The following EPC2 variants were observed in gnomAD, a reference collection of about 807,000 sequenced individuals.
EPC2 encodes the protein enhancer of polycomb homolog 2.
Under a neutral mutation model 92.1 loss-of-function variants are expected in EPC2, and 14 were observed. That is an observed-to-expected ratio of 0.15 (90% CI 0.10 to 0.24). The LOEUF is 0.24. Among genes scored for constraint, EPC2 ranks in the 10% least tolerant of loss-of-function variants. The pLI is 1.00. For missense variants in EPC2, 755 were observed against 971.5 expected (o/e 0.78, Z 2.96); for synonymous variants, 340 against 334.7 (o/e 1.02, Z -0.17).
At chr2:148,656,001 C>CTGTG (rs1553537658) in intron 1 of EPC2, among the ~76,000 whole-genome samples, 1 of 59,904 alleles carries the variant, frequency 1.7e-5, no homozygotes, top group African/African-American at 6.4e-5. Context: ...CTGCTGTTAG[C>CTGTG]TGTGTGTGTG....
chr2:148,741,077 A>T (rs1682872403), intron 2 of EPC2, among the ~76,000 whole-genome samples: 1 of 152,176 alleles, frequency 6.6e-6, no homozygotes, highest in Non-Finnish European at 1.5e-5. Flanking sequence ...TAAGAGAAAA[A>T]TGCATTTTAT....
intron 2 of EPC2, among the ~76,000 whole-genome samples, chr2:148,694,004 C>T (rs757917111): frequency 2.0e-5 from 3 of 151,976 alleles, no homozygotes; most frequent in Non-Finnish European, 4.4e-5. Flanking sequence ...AATTTCACTG[C>T]CTAGTACAGT....
At chr2:148,717,242 C>G (rs967789122) in intron 2 of EPC2, among the ~76,000 whole-genome samples, 1 of 118,622 alleles carries the variant, frequency 8.4e-6, no homozygotes, top group African/African-American at 3.3e-5. Flanking sequence ...CTGTCTACTT[C>G]GATTCAGCTC....
At chr2:148,650,383 TCCTCTTTTCCTCTTGAGTCAGAGG>T (rs1445613173) in intron 1 of EPC2, among the ~76,000 whole-genome samples, 3 of 152,182 alleles carry the variant, frequency 2.0e-5, no homozygotes, top group African/African-American at 7.2e-5. Flanking sequence ...AAATATTATA[TCCTCTTTTCCTCTTGAGTCAGAGG>T]CCTCTTTAAA....
chr2:148,731,706 A>G (rs977925217), intron 2 of EPC2, among the ~76,000 whole-genome samples: 2 of 152,116 alleles, frequency 1.3e-5, no homozygotes, highest in Admixed American at 1.3e-4. Context: ...CCGGCCAGAA[A>G]TTTACAGATG....
At chr2:148,655,523 G>A (rs1215330895) in intron 1 of EPC2, among the ~76,000 whole-genome samples, 1 of 152,150 alleles carries the variant, frequency 6.6e-6, no homozygotes, top group Non-Finnish European at 1.5e-5. Flanking sequence ...ACGGTATTTT[G>A]ACATAATTTG....
At chr2:148,785,038 T>C in intron 13 of EPC2, 37 bp downstream of exon 13, 1 of 1,455,322 alleles carries the variant, frequency 6.9e-7, no homozygotes, top group South Asian at 1.5e-5. Context: ...TCTCCCTTTG[T>C]GCTGGCTGTC....
At chr2:148,770,426 T>C (rs1303682295) in intron 8 of EPC2, among the ~76,000 whole-genome samples, 8 of 152,204 alleles carry the variant, frequency 5.3e-5, no homozygotes, top group African/African-American at 7.2e-5. Flanking sequence ...AAAAATATTC[T>C]TTCTGGTTTC....
intron 1 of EPC2, 89 bp downstream of exon 1, chr2:148,645,259 C>T (rs986981803): frequency 1.7e-6 from 2 of 1,187,446 alleles, no homozygotes; most frequent in African/African-American, 1.6e-5. Context: ...GCGCTTTACG[C>T]TCGCTGGAGG....
intron 2 of EPC2, among the ~76,000 whole-genome samples, chr2:148,720,485 G>T (rs542205634): frequency 1.3e-5 from 2 of 152,172 alleles, no homozygotes; most frequent in East Asian, 1.9e-4. Context: ...TGGACCTCCC[G>T]CCTTGTCTGA....
At chr2:148,723,334 G>A (rs548758247) in intron 2 of EPC2, among the ~76,000 whole-genome samples, 101 of 152,302 alleles carry the variant, frequency 6.6e-4, no homozygotes, top group African/African-American at 2.3e-3. Context: ...ACATGGTTGA[G>A]TTCTTGAAAG....
At chr2:148,728,139 A>G (rs1262367482) in intron 2 of EPC2, among the ~76,000 whole-genome samples, 1 of 152,102 alleles carries the variant, frequency 6.6e-6, no homozygotes, top group African/African-American at 2.4e-5. Flanking sequence ...ACAGGAGCTT[A>G]CCATGTTGCT....
rs1683380816 is a variant in EPC2, at chr2:148,764,990, T to A, written c.984T>A (p.Ser328=). 13 of 1,598,946 alleles carry A rather than the reference T, an allele frequency of 8.1e-6. No individual in the cohort carries two copies. The highest frequency in any genetic ancestry group is 1.1e-5 in the Non-Finnish European group (13 of 1,172,842). ...ATTTGTCTTTGAAAGAAGAGGCTTC[T>A]GATGTGGTTCGTCAAAAGAAGAAGT... The part of the protein sequence containing the change: ...PHHLSLKEEA[S]DVVRQKKKYP... The change falls in exon 7 of 14, where the codon TCT becomes TCA. Residue 328 remains serine (S), a synonymous_variant. Transcript: ENST00000258484.
intron 1 of EPC2, among the ~76,000 whole-genome samples, chr2:148,659,491 A>G (rs1434662677): frequency 6.6e-6 from 1 of 152,170 alleles, no homozygotes; most frequent in Admixed American, 6.6e-5. Flanking sequence ...GAAATGCAGA[A>G]TTTTACTTAT....
intron 1 of EPC2, among the ~76,000 whole-genome samples, chr2:148,651,178 GA>G (rs1229573242): frequency 6.6e-6 from 1 of 152,142 alleles, no homozygotes; most frequent in East Asian, 1.9e-4. Context: ...GGTGTATGTT[GA>G]AGCAAATATT....
intron 2 of EPC2, chr2:148,691,676 T>G (rs779670981): frequency 6.8e-7 from 1 of 1,477,958 alleles, no homozygotes; most frequent in South Asian, 1.2e-5. Context: ...TTGTTTGTTT[T>G]GTTCATTTGT....
intron 2 of EPC2, among the ~76,000 whole-genome samples, chr2:148,732,957 TTTTTTTTTTC>T (rs1028301167): frequency 2.0e-5 from 3 of 147,732 alleles, no homozygotes; most frequent in African/African-American, 7.5e-5. Context: ...TTTTTTTTTT[TTTTTTTTTTC>T]CAGTTAATAA....
chr2:148,774,622 T>TATA (rs1553450861), intron 10 of EPC2, among the ~76,000 whole-genome samples: 1 of 108,288 alleles, frequency 9.2e-6, no homozygotes, highest in Admixed American at 1.3e-4. Flanking sequence ...AAAAAATATA[T>TATA]TTTATATATA....
chr2:148,681,568 C>T (rs531949199), intron 1 of EPC2, among the ~76,000 whole-genome samples: 177 of 152,148 alleles, frequency 1.2e-3, no homozygotes, highest in African/African-American at 4.0e-3. Context: ...ATTTTACAAA[C>T]GTATATGACT....
Sources: allele counts gnomAD v4.1 joint callset (sites outside exome capture counted in the v4.1 genomes callset), GRCh38; gene constraint gnomAD v4.1.1; transcripts MANE v1.5; gene names NCBI Gene and HGNC (gene_info 2026-07-23, HGNC 2026-07-21).